The following KIF26B variants were observed in gnomAD, a reference collection of about 807,000 sequenced individuals.
KIF26B encodes kinesin family member 26B.
In KIF26B, 63 loss-of-function variants were observed where a neutral mutation model predicts 151.2. That is an observed-to-expected ratio of 0.42 (90% CI 0.34 to 0.51). The LOEUF is 0.51. Among genes scored for constraint, KIF26B ranks in the 20% least tolerant of loss-of-function variants. The pLI is 0.07. For synonymous variants in KIF26B, 1,357 were observed against 1,262.1 expected (o/e 1.08, Z -1.59); for missense variants, 2,813 against 2,913.6 (o/e 0.97, Z 0.79).
rs905780791 is a variant in KIF26B, at chr1:245,572,764, T to G, written c.1351-29813T>G. ...GTATAGTGTATGTTGTTCGCTTCAT[T>G]TAGCATGACCCTATGAAATGCCTGT... On this transcript the variant is annotated intron_variant, in intron 5 of 14. Transcript: ENST00000407071. The surrounding 1 kb of genome is among the most constrained non-coding windows in gnomAD (Gnocchi z 4.2). 1.3e-5 allele frequency among the ~76,000 whole-genome samples: 2 copies of G among 152,198 alleles called. No homozygotes were observed. The highest frequency in any genetic ancestry group is 2.9e-5 in the Non-Finnish European group (2 of 68,042).
chr1:245,687,903 G>C lies in KIF26B; in HGVS notation c.4920G>C (p.Glu1640Asp). 2 of 1,591,850 alleles carry C rather than the reference G, an allele frequency of 1.3e-6. No individual in the cohort carries two copies. The highest frequency in any genetic ancestry group is 1.1e-5 in the South Asian group (1 of 87,270). ...CCTTCCCGGCGGGCCTCCCAGACGA[G>C]CCTAGCGGCAAGACGAAGGACGCCA... ...PAAFPAGLPD[E>D]PSGKTKDASS... Residue 1640 changes from glutamate to aspartate, a missense_variant, in exon 12 of 15, where the codon GAG becomes GAC. This residue lies in a region of KIF26B where 2,060 missense variants were observed against 2,088.6 expected (regional missense o/e 0.99). Transcript: ENST00000407071. The surrounding 1 kb of genome is among the most constrained non-coding windows in gnomAD (Gnocchi z 4.9).
rs954360443 is a variant in KIF26B, at chr1:245,516,831, C to T, written c.1167-23936C>T. Among the ~76,000 whole-genome samples the T allele has an allele frequency of 4.1e-5, 6 of 148,044 alleles. No homozygotes were observed. The highest frequency in any genetic ancestry group is 6.7e-5 in the Admixed American group (1 of 14,934). On this transcript the variant is annotated intron_variant, in intron 4 of 14. Coordinates refer to ENST00000407071, the MANE Select transcript of KIF26B (RefSeq NM_018012.4). This position sits in a 1 kb window ranked among gnomAD's most constrained non-coding sequence, Gnocchi z 4.2. ...TCTCTTCAGCTGAACACAAAAGTTC[C>T]GGTTACCAGACTGTCCCTGGATACT...
chr1:245,465,779 G>A (rs1025180523), intron 4 of KIF26B, among the ~76,000 whole-genome samples: 1 of 152,196 alleles, frequency 6.6e-6, no homozygotes, highest in African/African-American at 2.4e-5. Flanking sequence ...GAGGGCAGGA[G>A]GGGAAGCCAC....
chr1:245,556,789 T>G (rs1420670488), intron 5 of KIF26B, among the ~76,000 whole-genome samples: 1 of 152,194 alleles, frequency 6.6e-6, no homozygotes, highest in South Asian at 2.1e-4. Flanking sequence ...TCCTCCCACC[T>G]CAGCCTCTCA....
rs116188383 is a variant in KIF26B at position 245,437,690 on chromosome 1, C to T, written c.1166+17945C>T. 8.2e-3 allele frequency among the ~76,000 whole-genome samples: 1,252 copies of T among 152,308 alleles called. 8 individuals are homozygous for T. The highest frequency in any genetic ancestry group is 0.017 in the Middle Eastern group (5 of 294). ...CACATGCAAGGGGGAAAAGTCCTAA[C>T]TTAAGTCCATTGCTACAGGAGCTCA... On this transcript the variant is annotated intron_variant, in intron 4 of 14. Transcript: ENST00000407071.
At chr1:245,175,955 T>TATAG in intron 2 of KIF26B, among the ~76,000 whole-genome samples, 1 of 129,126 alleles carries the variant, frequency 7.7e-6, no homozygotes, top group Non-Finnish European at 1.6e-5. Context: ...TATAGATATC[T>TATAG]ATATCTATAT....
intron 3 of KIF26B, among the ~76,000 whole-genome samples, chr1:245,374,011 T>C (rs549978425): frequency 7.6e-6 from 1 of 130,804 alleles, no homozygotes; most frequent in South Asian, 2.6e-4. Context: ...GAAGATGTGA[T>C]TGTACCACTG....
intron 2 of KIF26B, among the ~76,000 whole-genome samples, chr1:245,319,287 C>A (rs184932671): frequency 5.3e-5 from 8 of 152,346 alleles, no homozygotes; most frequent in Admixed American, 4.6e-4. Context: ...CAGCTGTCAT[C>A]ATTTAGCATA....
chr1:245,512,607 AC>A lies in KIF26B; in HGVS notation c.1167-28159del, dbSNP rs1032481304. On this transcript the variant is annotated intron_variant, in intron 4 of 14. Coordinates refer to ENST00000407071, the MANE Select transcript of KIF26B (RefSeq NM_018012.4). The surrounding 1 kb of genome is among the most constrained non-coding windows in gnomAD (Gnocchi z 4.3). ...GCCTAAACCCAAATGAAATCCCCAA[AC>A]TCCACTCGGATTCCTGCTGGCCAAA... Among the ~76,000 whole-genome samples the A allele has an allele frequency of 6.6e-6, 1 of 152,070 alleles. No homozygotes were observed. Among genetic ancestry groups the A allele is most frequent in the Admixed American group, 6.5e-5 (1 of 15,276 alleles).
rs931469126 is a variant in KIF26B, at chr1:245,358,899, T to C, written c.466-7935T>C. ...TTTTAAGTACGTAGTAGGAATCTACTTTCCCATCTTAAGCTCTGAATCTAT... is the reference window on the plus strand; with the variant it reads ...TTTTAAGTACGTAGTAGGAATCTACCTTCCCATCTTAAGCTCTGAATCTAT... On this transcript the variant is annotated intron_variant, in intron 2 of 14. Coordinates refer to ENST00000407071, the MANE Select transcript of KIF26B (RefSeq NM_018012.4). This position sits in a 1 kb window ranked among gnomAD's most constrained non-coding sequence, Gnocchi z 4.1. 3.3e-5 allele frequency among the ~76,000 whole-genome samples: 5 copies of C among 152,234 alleles called. No individual in the cohort carries two copies. Among genetic ancestry groups the C allele is most frequent in the African/African-American group, 1.2e-4 (5 of 41,462 alleles).
At chr1:245,402,999 C>G (rs1324522879) in intron 3 of KIF26B, among the ~76,000 whole-genome samples, 1 of 152,184 alleles carries the variant, frequency 6.6e-6, no homozygotes, top group Non-Finnish European at 1.5e-5. Flanking sequence ...AATGGGGTCT[C>G]ACTCTGTTGC....
intron 2 of KIF26B, among the ~76,000 whole-genome samples, chr1:245,158,427 G>A (rs1180108706): frequency 1.3e-5 from 2 of 152,166 alleles, no homozygotes; most frequent in Non-Finnish European, 2.9e-5. Flanking sequence ...ACAGTGTCAC[G>A]GGAGGCAGCT....
chr1:245,454,345 C>T (rs1211315395), intron 4 of KIF26B, among the ~76,000 whole-genome samples: 12 of 152,160 alleles, frequency 7.9e-5, no homozygotes. Flanking sequence ...GTCTGAGCAT[C>T]CAGGGAGGTA....
intron 2 of KIF26B, among the ~76,000 whole-genome samples, chr1:245,229,554 C>T (rs894522345): frequency 1.8e-4 from 28 of 152,168 alleles, no homozygotes; most frequent in African/African-American, 6.8e-4. Context: ...CTGATGTGCC[C>T]GGTACCTTTT....
intron 2 of KIF26B, among the ~76,000 whole-genome samples, chr1:245,175,922 C>CTA (rs1020756268): frequency 3.3e-5 from 4 of 119,952 alleles, no homozygotes; most frequent in South Asian, 2.4e-4. Context: ...ATATCTATAT[C>CTA]TATATATTTA....
chr1:245,685,614 CAAG>C lies in KIF26B; in HGVS notation c.2632_2634del (p.Lys878del). The C allele has an allele frequency of 6.2e-7, 1 of 1,613,728 alleles. No homozygotes were observed. Among genetic ancestry groups the C allele is most frequent in the Non-Finnish European group, 8.5e-7 (1 of 1,179,862 alleles). ...GGCCCAACGGCACGGCCCTCTCTGA[CAAG>C]GAGCTCACCGACAACGAGGGCCCCC... On this transcript the variant is annotated inframe_deletion, in exon 12 of 15. Transcript: ENST00000407071.
intron 5 of KIF26B, among the ~76,000 whole-genome samples, chr1:245,566,842 A>G (rs1265396807): frequency 1.3e-5 from 2 of 152,218 alleles, no homozygotes; most frequent in Non-Finnish European, 2.9e-5. Flanking sequence ...GAGAAGAATC[A>G]CTTGAATCCG....
intron 2 of KIF26B, among the ~76,000 whole-genome samples, chr1:245,220,967 T>A (rs115974843): frequency 6.6e-6 from 1 of 152,266 alleles, no homozygotes; most frequent in Non-Finnish European, 1.5e-5. Context: ...CCCCAGGGAT[T>A]ACAGTGGCCA....
At chr1:245,455,228 G>C (rs1256303972) in intron 4 of KIF26B, among the ~76,000 whole-genome samples, 1 of 152,108 alleles carries the variant, frequency 6.6e-6, no homozygotes, top group East Asian at 1.9e-4. Context: ...ACTACAGGCC[G>C]GGCATGGTGG....
Sources: allele counts gnomAD v4.1 joint callset (sites outside exome capture counted in the v4.1 genomes callset), GRCh38; gene constraint gnomAD v4.1.1; regional missense constraint gnomAD v4.1.1; non-coding constraint Gnocchi (gnomAD v3.1); transcripts MANE v1.5; gene names NCBI Gene and HGNC (gene_info 2026-07-23, HGNC 2026-07-21).